VPS13B: variants seen among roughly 807,000 people sequenced by gnomAD.
VPS13B encodes intermembrane lipid transfer protein VPS13B.
Under a neutral mutation model 426.4 loss-of-function variants are expected in VPS13B, and 285 were observed. The ratio of observed to expected loss-of-function variants is 0.67; its 90% CI spans 0.61 to 0.74. The LOEUF is 0.74. Ranked by LOEUF, VPS13B falls within the 30% of genes least tolerant of loss-of-function variation. The probability of loss-of-function intolerance (pLI) is 0.00; values close to 1 mark genes in which losing one functional copy is unlikely to be tolerated. For synonymous variants in VPS13B, 1,676 were observed against 1,676.4 expected, an observed-to-expected ratio of 1.00 and a Z score of 0.01; for missense variants, 4,537 against 4,782.6, an observed-to-expected ratio of 0.95 and a Z score of 1.51.
At chr8:99,369,058 G>A (rs1293694619) in intron 19 of VPS13B, among the ~76,000 whole-genome samples, 1 of 152,094 alleles carries the variant, frequency 6.6e-6, no homozygotes, top group Non-Finnish European at 1.5e-5. Flanking sequence ...CGTTTGTACT[G>A]TGTCCCTTTT....
At chr8:99,158,257 G>A (rs368942955) in intron 15 of VPS13B, among the ~76,000 whole-genome samples, 8 of 152,284 alleles carry the variant, frequency 5.3e-5, no homozygotes, top group South Asian at 2.1e-4. Context: ...AAAGGCGGCC[G>A]GGCACGGTGG....
chr8:99,138,672 G>C (rs756948095), intron 12 of VPS13B, among the ~76,000 whole-genome samples: 1 of 152,194 alleles, frequency 6.6e-6, no homozygotes, highest in Non-Finnish European at 1.5e-5. Context: ...GATAACTGTG[G>C]ACATTGAAGT....
intron 2 of VPS13B, among the ~76,000 whole-genome samples, chr8:99,017,122 T>C (rs1841665065): frequency 6.6e-6 from 1 of 152,250 alleles, no homozygotes; most frequent in African/African-American, 2.4e-5. Flanking sequence ...TTTATATTTC[T>C]TTTAGGAGCT....
intron 43 of VPS13B, among the ~76,000 whole-genome samples, chr8:99,786,440 GGCA>G (rs1249753801): frequency 6.6e-6 from 1 of 152,026 alleles, no homozygotes; most frequent in African/African-American, 2.4e-5. Flanking sequence ...CCTAGGTTTT[GGCA>G]GCATGATTTG....
At chr8:99,446,517 C>G (rs1817930584) in intron 23 of VPS13B, among the ~76,000 whole-genome samples, 1 of 152,008 alleles carries the variant, frequency 6.6e-6, no homozygotes, top group South Asian at 2.1e-4. Context: ...TTTTTTCTTT[C>G]CATACATATG....
chr8:99,867,181 G>A (rs528853749), intron 58 of VPS13B, among the ~76,000 whole-genome samples: 2 of 152,284 alleles, frequency 1.3e-5, no homozygotes, highest in South Asian at 4.1e-4. Flanking sequence ...ATTGAAAACA[G>A]AGAATTCTGT....
intron 3 of VPS13B, among the ~76,000 whole-genome samples, chr8:99,064,754 A>G (rs1844382386): frequency 6.6e-6 from 1 of 152,216 alleles, no homozygotes; most frequent in Admixed American, 6.5e-5. Flanking sequence ...GGAAATATAG[A>G]GAACACCACA....
intron 35 of VPS13B, among the ~76,000 whole-genome samples, chr8:99,679,049 C>T (rs1831053593): frequency 6.6e-6 from 1 of 152,160 alleles, no homozygotes; most frequent in Non-Finnish European, 1.5e-5. Context: ...GCAATTCTTA[C>T]ACCCTTTTTC....
intron 51 of VPS13B, among the ~76,000 whole-genome samples, chr8:99,829,387 G>A (rs185489930): frequency 4.9e-4 from 75 of 151,982 alleles, no homozygotes; most frequent in Non-Finnish European, 9.7e-4. Context: ...TGATCAATTC[G>A]GCTATTGATA....
chr8:99,838,031 A>C (rs1011468702), intron 54 of VPS13B, among the ~76,000 whole-genome samples: 1 of 152,254 alleles, frequency 6.6e-6, no homozygotes, highest in Non-Finnish European at 1.5e-5. Flanking sequence ...GGATTGCATG[A>C]GGAAATATGC....
rs1161790251 is a variant in VPS13B, at chr8:99,550,265, A to G, written c.4746-6185A>G. On this transcript the variant is annotated intron_variant, in intron 30 of 61. Coordinates refer to ENST00000357162, the MANE Select transcript of VPS13B (RefSeq NM_152564.5). ...TTACTAGCAGTTTTATTTTATAACA[A>G]TATGGTTTTAAAATAGAGTCATTTT... Among the ~76,000 whole-genome samples, 3 of 152,134 alleles carry G rather than the reference A, an allele frequency of 2.0e-5. No homozygotes were observed. The East Asian group carries it at 5.8e-4, about 29-fold the overall frequency.
rs1816801916 is a variant in VPS13B, at chr8:99,427,653, A to G, written c.3083-3884A>G. On this transcript the variant is annotated intron_variant, in intron 21 of 61. Coordinates refer to ENST00000357162, the MANE Select transcript of VPS13B (RefSeq NM_152564.5). ...AATAAAAGAGGATACAAACAAATGG[A>G]AGAACATTCCATGCTCATGGGTAGG... is the stretch of plus-strand genomic sequence containing the variant. Among the ~76,000 whole-genome samples the G allele has an allele frequency of 2.6e-5, 4 of 152,084 alleles. No individual in the cohort carries two copies. The South Asian group carries it at 8.3e-4, about 32-fold the overall frequency.
chr8:99,831,438 A>G (rs1262917627), intron 51 of VPS13B, among the ~76,000 whole-genome samples: 1 of 152,176 alleles, frequency 6.6e-6, no homozygotes, highest in African/African-American at 2.4e-5. Context: ...GTTTTATACT[A>G]TTGAAACTGT....
chr8:99,684,460 C>T (rs1261956719), intron 35 of VPS13B, among the ~76,000 whole-genome samples: 1 of 152,168 alleles, frequency 6.6e-6, no homozygotes, highest in Non-Finnish European at 1.5e-5. Context: ...TAGAGGGCTT[C>T]TCCTTGAACT....
At chr8:99,741,020 C>G (rs929237845) in intron 39 of VPS13B, among the ~76,000 whole-genome samples, 8 of 152,098 alleles carry the variant, frequency 5.3e-5, no homozygotes, top group African/African-American at 1.9e-4. Context: ...TTAAAAGAAA[C>G]AGACTGGCAA....
intron 32 of VPS13B, among the ~76,000 whole-genome samples, chr8:99,577,133 T>G (rs1232422136): frequency 1.3e-5 from 2 of 152,134 alleles, no homozygotes; most frequent in Non-Finnish European, 2.9e-5. Flanking sequence ...ATTAGTTGGT[T>G]TGAATTCATG....
At chr8:99,698,747 G>A (rs1832139308) in intron 35 of VPS13B, among the ~76,000 whole-genome samples, 1 of 150,464 alleles carries the variant, frequency 6.6e-6, no homozygotes, top group African/African-American at 2.5e-5. Flanking sequence ...GCTCTGTCTT[G>A]ATGCTTATAG....
At chr8:99,516,781 G>T in intron 29 of VPS13B, among the ~76,000 whole-genome samples, 1 of 97,408 alleles carries the variant, frequency 1.0e-5, no homozygotes, top group East Asian at 3.5e-4. Context: ...GGAGGAGACC[G>T]TGTCTCAAAA....
intron 23 of VPS13B, among the ~76,000 whole-genome samples, chr8:99,452,434 C>T (rs886965944): frequency 2.6e-5 from 4 of 152,148 alleles, no homozygotes; most frequent in East Asian, 3.9e-4. Flanking sequence ...AGGAGCCATA[C>T]CTCTCTTGCT....
Sources: gnomAD v4.1 joint callset for allele counts (sites outside exome capture counted in the v4.1 genomes callset) on GRCh38, gnomAD v4.1.1 for gene constraint, MANE v1.5 for transcripts, NCBI Gene and HGNC (gene_info 2026-07-23, HGNC 2026-07-21) for gene names.